The following SLC35F4 variants were observed in gnomAD, a reference collection of about 807,000 sequenced individuals.
The protein encoded by SLC35F4 is solute carrier family 35 member F4, also known as chromosome 14 open reading frame 36.
In SLC35F4, 24 loss-of-function variants were observed where a neutral mutation model predicts 44.2. That is an observed-to-expected ratio of 0.54 (90% CI 0.39 to 0.76). The LOEUF (loss-of-function observed/expected upper bound fraction) is 0.76, where lower values mean the gene tolerates loss of function less well. SLC35F4 is among the 30% of genes least tolerant of loss of function. The pLI, the probability that SLC35F4 is intolerant of heterozygous loss-of-function variation, is 0.00. For missense variants in SLC35F4, 562 were observed against 586.1 expected (o/e 0.96, Z 0.42); for synonymous variants, 238 against 223.6 (o/e 1.06, Z -0.57).
intron 1 of SLC35F4, among the ~76,000 whole-genome samples, chr14:57,793,233 A>AT: frequency 6.6e-6 from 1 of 152,082 alleles, no homozygotes; most frequent in South Asian, 2.1e-4. Flanking sequence ...TTTTATGCTC[A>AT]TTTTTTAAAA....
chr14:57,595,792 A>G (rs2070453786), intron 1 of SLC35F4: 1 of 152,148 alleles, frequency 6.6e-6, no homozygotes, highest in African/African-American at 2.4e-5. Context: ...TGGCACTGCA[A>G]GATGCCCTGG....
intron 2 of SLC35F4, among the ~76,000 whole-genome samples, chr14:57,590,536 G>T (rs959803): frequency 6.6e-6 from 1 of 152,130 alleles, no homozygotes; most frequent in African/African-American, 2.4e-5. Context: ...CTTTTACTAA[G>T]AAAATTTTGC....
intron 1 of SLC35F4, among the ~76,000 whole-genome samples, chr14:57,907,551 A>T (rs994204660): frequency 6.6e-6 from 1 of 152,170 alleles, no homozygotes; most frequent in African/African-American, 2.4e-5. Flanking sequence ...ATGGGTTAAA[A>T]TGTGGTTCCC....
chr14:57,936,547 C>T (rs146305072), intron 1 of SLC35F4, among the ~76,000 whole-genome samples: 2 of 152,308 alleles, frequency 1.3e-5, no homozygotes, highest in East Asian at 3.9e-4. Flanking sequence ...ATGTCTGAGA[C>T]AGGTTTGGTT....
intron 1 of SLC35F4, among the ~76,000 whole-genome samples, chr14:57,769,902 T>C (rs1322531510): frequency 6.6e-6 from 1 of 152,190 alleles, no homozygotes; most frequent in Admixed American, 6.5e-5. Context: ...AGGGTGAGCA[T>C]TTTTTGAAAA....
In SLC35F4 at chr14:57,621,223, G is replaced by A. The variant is rs867184320; in HGVS notation, c.104-27099C>T. 2.8e-3 allele frequency among the ~76,000 whole-genome samples: 413 copies of A among 149,398 alleles called. 2 individuals carry two copies. The highest frequency in any genetic ancestry group is 0.014 in the Middle Eastern group (4 of 284). On this transcript the variant is annotated intron_variant, in intron 1 of 7. Coordinates refer to ENST00000556826, the MANE Select transcript of SLC35F4 (RefSeq NM_001306087.2). ...CTCATGGGTAGGAAGAATCAATATC[G>A]TGAAAATGGCCATACTGCCCAAGGT...
intron 1 of SLC35F4, among the ~76,000 whole-genome samples, chr14:57,738,958 A>C (rs2076537253): frequency 6.6e-6 from 1 of 151,806 alleles, no homozygotes. Context: ...AGAGGATACA[A>C]AGAAACAACT....
intron 1 of SLC35F4, among the ~76,000 whole-genome samples, chr14:57,737,098 T>TTGTGTGTG (rs5808938): frequency 6.0e-4 from 90 of 148,872 alleles, no homozygotes; most frequent in African/African-American, 1.6e-3. Flanking sequence ...CTTTCTATCT[T>TTGTGTGTG]TGTGTGTGTG....
At chr14:57,798,376 C>A (rs543644936) in intron 1 of SLC35F4, among the ~76,000 whole-genome samples, 17 of 152,124 alleles carry the variant, frequency 1.1e-4, no homozygotes, top group Admixed American at 3.9e-4. Context: ...CATACACGAA[C>A]GACAGCAGGA....
At chr14:57,695,686 A>T (rs984058287) in intron 1 of SLC35F4, among the ~76,000 whole-genome samples, 4 of 152,210 alleles carry the variant, frequency 2.6e-5, no homozygotes, top group African/African-American at 9.6e-5. Flanking sequence ...TACCTAAGGG[A>T]TTATAAATCA....
intron 1 of SLC35F4, among the ~76,000 whole-genome samples, chr14:57,824,533 C>T (rs772334160): frequency 6.6e-6 from 1 of 152,092 alleles, no homozygotes; most frequent in South Asian, 2.1e-4. Context: ...ATGACAAATG[C>T]TTTGGATAAA....
At chr14:57,951,352 T>G (rs1023888370) in intron 1 of SLC35F4, among the ~76,000 whole-genome samples, 23 of 152,104 alleles carry the variant, frequency 1.5e-4, no homozygotes, top group Non-Finnish European at 5.9e-5. Context: ...AGCACAAAAC[T>G]GGGTGGCTGT....
chr14:57,625,431 G>T (rs755811121), intron 1 of SLC35F4, among the ~76,000 whole-genome samples: 2 of 151,954 alleles, frequency 1.3e-5, no homozygotes, highest in Non-Finnish European at 2.9e-5. Context: ...TGACTTTCTT[G>T]AAAGAATTGG....
intron 1 of SLC35F4, among the ~76,000 whole-genome samples, chr14:57,758,961 C>T (rs2077059902): frequency 6.6e-6 from 1 of 152,106 alleles, no homozygotes; most frequent in South Asian, 2.1e-4. Context: ...TTATAAACAC[C>T]TCATATAAGT....
At chr14:57,951,039 T>C (rs568223489) in intron 1 of SLC35F4, among the ~76,000 whole-genome samples, 1 of 152,232 alleles carries the variant, frequency 6.6e-6, no homozygotes, top group Non-Finnish European at 1.5e-5. Flanking sequence ...ACACCTCTAG[T>C]CTGCAGCTCC....
intron 1 of SLC35F4, among the ~76,000 whole-genome samples, chr14:57,909,692 T>C (rs1889178524): frequency 6.6e-6 from 1 of 152,124 alleles, no homozygotes; most frequent in Admixed American, 6.6e-5. Flanking sequence ...TGTCTGAATG[T>C]AACACAGTTC....
In SLC35F4 at chr14:57,915,312, C is replaced by T. The variant is rs369359504; in HGVS notation, n.282+66601G>A. The stretch of plus-strand genomic sequence containing the variant: ...AGTGTCTTCAGGGCGTTTCTCCCAA[C>T]GTCCTGATGAAGAGCACCTGGCTAC... On this transcript the variant is annotated intron_variant and non_coding_transcript_variant, in intron 1 of 1. Transcript: ENST00000556568. Among the ~76,000 whole-genome samples the T allele has an allele frequency of 9.3e-4, 141 of 152,256 alleles. No homozygotes were observed. The South Asian group carries it at 0.012, about 13-fold the overall frequency.
intron 1 of SLC35F4, among the ~76,000 whole-genome samples, chr14:57,923,134 A>G (rs1889474816): frequency 6.6e-6 from 1 of 152,234 alleles, no homozygotes; most frequent in African/African-American, 2.4e-5. Flanking sequence ...AAAAGGCTCT[A>G]GAATTCAAGG....
intron 1 of SLC35F4, among the ~76,000 whole-genome samples, chr14:57,717,424 C>T (rs1242740457): frequency 6.6e-6 from 1 of 152,080 alleles, no homozygotes; most frequent in Non-Finnish European, 1.5e-5. Context: ...ATCACGAGGT[C>T]AGGAGATCGA....
Sources: gnomAD v4.1 joint callset for allele counts (sites outside exome capture counted in the v4.1 genomes callset) on GRCh38, gnomAD v4.1.1 for gene constraint, MANE v1.5 for transcripts, NCBI Gene and HGNC (gene_info 2026-07-23, HGNC 2026-07-21) for gene names.